The following CTDP1 variants were observed in gnomAD, a reference collection of about 807,000 sequenced individuals.
CTDP1 encodes the protein CTD phosphatase 1.
A neutral mutation model predicts 91.8 loss-of-function variants in CTDP1; 47 were observed. The ratio of observed to expected loss-of-function variants is 0.51; its 90% confidence interval spans 0.41 to 0.65. The LOEUF is 0.65. CTDP1 is among the 30% of genes least tolerant of loss of function. The pLI is 0.00. For synonymous variants in CTDP1, 656 were observed against 598.5 expected (o/e 1.10, Z -1.40); for missense variants, 1,272 against 1,373.7 (o/e 0.93, Z 1.17).
intron 4 of CTDP1, among the ~76,000 whole-genome samples, chr18:79,698,482 G>A (rs1003706225): frequency 2.0e-5 from 3 of 152,176 alleles, no homozygotes; most frequent in Admixed American, 6.5e-5. Context: ...GGGGAAACAC[G>A]GGGAAATGCA....
rs974575917 is a variant in CTDP1, at chr18:79,688,680, G to A, written c.315-6545G>A. 6.6e-5 allele frequency among the ~76,000 whole-genome samples: 10 copies of A among 152,076 alleles called. No individual in the cohort carries two copies. The South Asian group carries it at 1.2e-3, about 19-fold the overall frequency. On this transcript the variant is annotated intron_variant, in intron 1 of 12. Transcript: ENST00000613122. Reference sequence around the variant, plus strand: ...TTCCCAAAGTGCTGGGATTACAGGCGTGAGCCATCACTCCCAGCCACACCC... The same window carrying A: ...TTCCCAAAGTGCTGGGATTACAGGCATGAGCCATCACTCCCAGCCACACCC...
rs2086117033 is a variant in CTDP1, at chr18:79,713,121, C to T, written c.1013C>T (p.Ser338Phe). The change falls in exon 7 of 13, where the codon TCT becomes TTT. Residue 338 changes from serine (S) to phenylalanine (F), a missense_variant. By Grantham distance (155) the Ser-to-Phe change is radical. Around this residue, in one of 3 missense-constraint regions of CTDP1, gnomAD observed 881 missense variants for 911.6 expected, o/e 0.97. Coordinates refer to ENST00000613122, the MANE Select transcript of CTDP1 (RefSeq NM_004715.5). The surrounding 1 kb of genome is among the most constrained non-coding windows in gnomAD (Gnocchi z 4.7). ...AATGCGCCCCCTGGGTCCCGAGAAT[C>T]TCAGACGAGAAAGAAAGGTGGGTAA... ...DMNAPPGSRESQTRKKVNHSR... is the reference protein window; with the variant it reads ...DMNAPPGSREFQTRKKVNHSR... 6.2e-7 allele frequency: 1 copy of T among 1,613,984 alleles called. No individual in the cohort carries two copies. Among genetic ancestry groups the T allele is most frequent in the African/African-American group, 1.3e-5 (1 of 74,910 alleles).
intron 1 of CTDP1, among the ~76,000 whole-genome samples, chr18:79,690,658 G>T (rs1303420260): frequency 6.6e-6 from 1 of 152,196 alleles, no homozygotes; most frequent in East Asian, 1.9e-4. Context: ...CTCCCTGTCT[G>T]CACGCGGGTT....
At chr18:79,703,770 C>G (rs535310298) in intron 4 of CTDP1, 1 of 151,960 alleles carries the variant, frequency 6.6e-6, no homozygotes, top group Non-Finnish European at 1.5e-5. Flanking sequence ...TGGTTATGTC[C>G]TAGGCGGTCG....
chr18:79,726,814 C>T lies in CTDP1; in HGVS notation c.2418-2093C>T, dbSNP rs1337875180. Among the ~76,000 whole-genome samples, 335 of 98,240 alleles carry T rather than the reference C, an allele frequency of 3.4e-3. 2 individuals carry two copies. The highest frequency in any genetic ancestry group is 0.017 in the African/African-American group (316 of 18,630). The allele number at this position is 98,240 out of a possible 152,430, so 64.4% of individuals were successfully genotyped here. A position where few individuals can be genotyped will look rare whatever the true frequency, so the allele number is the denominator to read the frequency against. On this transcript the variant is annotated intron_variant, in intron 10 of 12. Transcript: ENST00000613122. ...GTGGGGGAAGGGGGTGACGCTGTTG[C>T]TGGTGGACGGCTGTGGGGGATGGGG...
Position 79,733,583 on chromosome 18 carries a change from C to A in CTDP1, c.2581-2772C>A, listed in dbSNP as rs888068535. Among the ~76,000 whole-genome samples the A allele has an allele frequency of 2.6e-5, 4 of 151,956 alleles. No homozygotes were observed. The South Asian group carries it at 8.4e-4, about 32-fold the overall frequency. Reference sequence around the variant, plus strand: ...AAGCCGGCGTCCGCTGCCTCTCCAGCTGCGTTACCTCGTTTCTGCGTGTTC... The same window carrying A: ...AAGCCGGCGTCCGCTGCCTCTCCAGATGCGTTACCTCGTTTCTGCGTGTTC... On this transcript the variant is annotated intron_variant, in intron 11 of 12. Coordinates refer to ENST00000613122, the MANE Select transcript of CTDP1 (RefSeq NM_004715.5).
At chr18:79,692,806 G>C (rs1484255936) in intron 1 of CTDP1, among the ~76,000 whole-genome samples, 2 of 152,242 alleles carry the variant, frequency 1.3e-5, no homozygotes, top group South Asian at 4.1e-4. Context: ...CTGGTGTCCT[G>C]TGTGGGGCAG....
At chr18:79,701,030 C>T (rs941228674) in intron 4 of CTDP1, among the ~76,000 whole-genome samples, 1 of 152,176 alleles carries the variant, frequency 6.6e-6, no homozygotes, top group African/African-American at 2.4e-5. Flanking sequence ...GCTCTTGAGA[C>T]CTGTTACTCA....
At position 79,704,859 on chromosome 18, in the gene CTDP1, G is replaced by A; in HGVS notation, c.714G>A (p.Lys238=). ...HCKDFLEKIA[K]LYELHVFTFG... Reference sequence around the variant, plus strand: ...AGGACTTCCTGGAGAAGATCGCCAAGCTGTACGAGCTGCACGTCTTCACCT... The same window carrying A: ...AGGACTTCCTGGAGAAGATCGCCAAACTGTACGAGCTGCACGTCTTCACCT... Residue 238 remains lysine, a synonymous_variant, in exon 5 of 13, where the codon AAG becomes AAA. Transcript: ENST00000613122. 1 of 1,613,946 alleles carries A rather than the reference G, an allele frequency of 6.2e-7. No homozygotes were observed. The highest frequency in any genetic ancestry group is 8.5e-7 in the Non-Finnish European group (1 of 1,180,048).
chr18:79,701,834 G>A (rs1047065031), intron 4 of CTDP1, among the ~76,000 whole-genome samples: 3 of 152,324 alleles, frequency 2.0e-5, no homozygotes, highest in Non-Finnish European at 4.4e-5. Context: ...CCCAGCGGAG[G>A]AAGGAGCTGC....
At chr18:79,694,926 AT>A (rs1330607278) in intron 1 of CTDP1, among the ~76,000 whole-genome samples, 1 of 152,226 alleles carries the variant, frequency 6.6e-6, no homozygotes. Context: ...ACTTTATGTT[AT>A]CCCCAAGTCT....
Position 79,733,746 on chromosome 18 carries a change from C to T in CTDP1, c.2581-2609C>T, listed in dbSNP as rs1039273480. On this transcript the variant is annotated intron_variant, in intron 11 of 12. Transcript: ENST00000613122. ...TGTTTCCCGTCCTCTCTCTTGAAGCCGTCCCACCTCACTCCAGCGCAGAGC... is the reference window on the plus strand; with the variant it reads ...TGTTTCCCGTCCTCTCTCTTGAAGCTGTCCCACCTCACTCCAGCGCAGAGC... Among the ~76,000 whole-genome samples the T allele has an allele frequency of 5.9e-5, 9 of 152,148 alleles. 1 individual carries two copies. The highest frequency in any genetic ancestry group is 1.3e-4 in the Non-Finnish European group (9 of 68,038).
intron 4 of CTDP1, 129 bp from the exon 5 acceptor site, chr18:79,704,638 G>A (rs1030377912): frequency 2.0e-4 from 249 of 1,265,286 alleles, no homozygotes; most frequent in Non-Finnish European, 2.4e-4. Flanking sequence ...TCGGGCACAC[G>A]CGTGTCTTCA....
intron 5 of CTDP1, among the ~76,000 whole-genome samples, chr18:79,705,461 GA>G (rs2085948241): frequency 6.6e-6 from 1 of 152,224 alleles, no homozygotes; most frequent in African/African-American, 2.4e-5. Context: ...GCAGTGAGGG[GA>G]CGCCACAGGA....
At chr18:79,679,564 C>A, upstream of CTDP1, 1 of 464,080 alleles carries the variant, frequency 2.2e-6, no homozygotes, top group Non-Finnish European at 4.3e-6. Flanking sequence ...ATACGTAGTT[C>A]CGAGCGCGCC....
chr18:79,679,289 G>A (rs1346594764), upstream of CTDP1: 4 of 409,172 alleles, frequency 9.8e-6, no homozygotes, highest in Middle Eastern at 6.0e-4. Flanking sequence ...GGGGTCCGGG[G>A]GGGGACACGA....
chr18:79,695,317 C>T lies in CTDP1; in HGVS notation c.398+9C>T, dbSNP rs773516822. On this transcript the variant is annotated intron_variant, in intron 2 of 12. Coordinates refer to ENST00000613122, the MANE Select transcript of CTDP1 (RefSeq NM_004715.5). ...GGCCAAGACCTCACCCAGTAAGTAT[C>T]CGGAAGAGTGAGATCGCTGCCTGCT... The T allele has an allele frequency of 1.9e-6, 3 of 1,613,698 alleles. No individual in the cohort carries two copies. In the South Asian group the frequency reaches 3.3e-5, roughly 18 times the overall value.
At position 79,679,884 on chromosome 18, in the gene CTDP1, TAGGCGCTGCGCTCTGAGCGCAGC is replaced by T. The variant is rs1411766981; in HGVS notation, c.-63_-41del. The T allele has an allele frequency of 7.6e-7, 1 of 1,307,782 alleles. No homozygotes were observed. The highest frequency in any genetic ancestry group is 3.5e-5 in the Admixed American group (1 of 28,206). 81.0% of individuals were successfully genotyped at this position (1,307,782 alleles called of 1,614,324 possible). A position where few individuals can be genotyped will look rare whatever the true frequency, so the allele number is the denominator to read the frequency against. Reference sequence around the variant, plus strand: ...CGCCGCCTGGGTTGTGTCGCCGCGGTAGGCGCTGCGCTCTGAGCGCAGCGCAGGCCCCGTACCGACCGCCCGCC... The same window carrying T: ...CGCCGCCTGGGTTGTGTCGCCGCGGTGCAGGCCCCGTACCGACCGCCCGCC... On this transcript the variant is annotated 5_prime_UTR_variant, in exon 1 of 13. Transcript: ENST00000613122.
At chr18:79,714,295 C>T (rs889206111) in intron 7 of CTDP1, among the ~76,000 whole-genome samples, 196 bp from the exon 8 acceptor site, 3 of 152,138 alleles carry the variant, frequency 2.0e-5, no homozygotes, top group Admixed American at 2.0e-4. Context: ...ATTCAATATC[C>T]AAAACGTCCC....
Sources: allele counts gnomAD v4.1 joint callset (sites outside exome capture counted in the v4.1 genomes callset), GRCh38; gene constraint gnomAD v4.1.1; regional missense constraint gnomAD v4.1.1; non-coding constraint Gnocchi (gnomAD v3.1); transcripts MANE v1.5; gene names NCBI Gene and HGNC (gene_info 2026-07-23, HGNC 2026-07-21).